MAP4K5: variants seen among roughly 807,000 people sequenced by gnomAD.
MAP4K5 encodes the protein MAPK/ERK kinase kinase kinase 5.
A neutral mutation model predicts 135.6 loss-of-function variants in MAP4K5; 82 were observed. That is an observed-to-expected ratio of 0.60 (90% CI 0.51 to 0.73). The LOEUF (loss-of-function observed/expected upper bound fraction) is 0.73. Among genes scored for constraint, MAP4K5 ranks in the 30% least tolerant of loss-of-function variants. MAP4K5 has a pLI of 0.00. For synonymous variants in MAP4K5, 347 were observed against 335.0 expected, an observed-to-expected ratio of 1.04 and a Z score of -0.39; for missense variants, 907 against 1,010.9, an observed-to-expected ratio of 0.90 and a Z score of 1.39.
At chr14:50,496,959 G>C (rs2037608139) in intron 3 of MAP4K5, among the ~76,000 whole-genome samples, 1 of 152,004 alleles carries the variant, frequency 6.6e-6, no homozygotes, top group South Asian at 2.1e-4. Flanking sequence ...TATTTGCAAT[G>C]GCAAAAGTTT....
chr14:50,535,854 G>T (rs2038484574), upstream of MAP4K5, among the ~76,000 whole-genome samples: 1 of 152,172 alleles, frequency 6.6e-6, no homozygotes, highest in African/African-American at 2.4e-5. Flanking sequence ...CCCACGTGTT[G>T]TGGGAGGGAC....
intron 3 of MAP4K5, among the ~76,000 whole-genome samples, chr14:50,500,606 G>A (rs1264203504): frequency 1.7e-4 from 26 of 152,146 alleles, no homozygotes. Flanking sequence ...AAGCAGAAGT[G>A]ATGATATGAT....
At chr14:50,455,920 G>A (rs1286380021) in intron 14 of MAP4K5, among the ~76,000 whole-genome samples, 2 of 152,022 alleles carry the variant, frequency 1.3e-5, no homozygotes, top group Non-Finnish European at 2.9e-5. Flanking sequence ...ATTTTCATCT[G>A]TCAATGATTA....
intron 1 of MAP4K5, among the ~76,000 whole-genome samples, chr14:50,546,870 G>A (rs1219840438): frequency 6.6e-6 from 1 of 151,986 alleles, no homozygotes; most frequent in African/African-American, 2.4e-5. Flanking sequence ...TAAGTTCTGG[G>A]GTACATGTGC....
chr14:50,526,735 T>C (rs558946853), intron 2 of MAP4K5, among the ~76,000 whole-genome samples: 3 of 152,230 alleles, frequency 2.0e-5, no homozygotes, highest in Non-Finnish European at 2.9e-5. Context: ...AGTGTGATGA[T>C]ACATTAAGCT....
At chr14:50,534,214 A>T (rs1262746130), upstream of MAP4K5, among the ~76,000 whole-genome samples, 1 of 152,208 alleles carries the variant, frequency 6.6e-6, no homozygotes, top group African/African-American at 2.4e-5. Context: ...TACTCCAGGG[A>T]ATTTCAGGCA....
At chr14:50,524,414 C>T (rs75262138) in intron 2 of MAP4K5, among the ~76,000 whole-genome samples, 2,169 of 152,158 alleles carry the variant, frequency 0.014, 41 homozygotes, top group African/African-American at 0.05. Flanking sequence ...TGACCACATA[C>T]TATATACTAG....
chr14:50,518,401 C>G (rs1037677599), intron 2 of MAP4K5, among the ~76,000 whole-genome samples: 4 of 152,142 alleles, frequency 2.6e-5, no homozygotes, highest in African/African-American at 7.2e-5. Context: ...CCTCACCCCC[C>G]ACCACCAACA....
chr14:50,523,625 T>C (rs990163551), intron 2 of MAP4K5, among the ~76,000 whole-genome samples: 4 of 152,224 alleles, frequency 2.6e-5, no homozygotes, highest in Middle Eastern at 3.2e-3. Context: ...CAGGCATTCC[T>C]GATCCTCCTT....
intron 5 of MAP4K5, among the ~76,000 whole-genome samples, chr14:50,484,563 C>T (rs2037322417): frequency 6.6e-6 from 1 of 152,088 alleles, no homozygotes; most frequent in Non-Finnish European, 1.5e-5. Flanking sequence ...GTATGTTATA[C>T]ATATTCTTTC....
At chr14:50,496,553 T>C (rs1221323716) in intron 3 of MAP4K5, among the ~76,000 whole-genome samples, 3 of 152,038 alleles carry the variant, frequency 2.0e-5, no homozygotes, top group South Asian at 2.1e-4. Context: ...CTGTTGCCCA[T>C]GGTGCAACGC....
At chr14:50,491,073 A>C (rs1426820880) in intron 3 of MAP4K5, among the ~76,000 whole-genome samples, 2 of 152,146 alleles carry the variant, frequency 1.3e-5, no homozygotes, top group African/African-American at 4.8e-5. Context: ...ACTTTCTTGC[A>C]ATCAAATGAG....
At chr14:50,482,310 G>T in intron 6 of MAP4K5, 51 bp downstream of exon 6, 1 of 1,129,370 alleles carries the variant, frequency 8.9e-7, no homozygotes, top group South Asian at 1.7e-5. Context: ...ACTACATTAA[G>T]AAAATATTGC....
chr14:50,558,273 C>T (rs1262439515), intron 1 of MAP4K5, among the ~76,000 whole-genome samples: 3 of 152,134 alleles, frequency 2.0e-5, no homozygotes, highest in Non-Finnish European at 2.9e-5. Context: ...GCATGAGAAT[C>T]GCTTGAACCT....
At chr14:50,479,581 C>G (rs184791636) in intron 6 of MAP4K5, among the ~76,000 whole-genome samples, 44 of 151,894 alleles carry the variant, frequency 2.9e-4, no homozygotes, top group African/African-American at 1.0e-3. Context: ...TTTTTTATAC[C>G]TTCCATATCT....
chr14:50,549,477 G>C (rs1351512713), intron 1 of MAP4K5, among the ~76,000 whole-genome samples: 4 of 152,094 alleles, frequency 2.6e-5, no homozygotes, highest in Admixed American at 2.6e-4. Context: ...CAATTGTATT[G>C]GTCCTGTGCC....
chr14:50,454,635 G>C (rs533795103), intron 14 of MAP4K5, among the ~76,000 whole-genome samples: 87 of 152,170 alleles, frequency 5.7e-4, no homozygotes, highest in Middle Eastern at 3.4e-3. Context: ...TAAGCAACCA[G>C]AACTTACTCT....
chr14:50,503,660 T>C (rs2037752210), intron 3 of MAP4K5, among the ~76,000 whole-genome samples: 1 of 152,096 alleles, frequency 6.6e-6, no homozygotes, highest in Admixed American at 6.6e-5. Context: ...TGCAATTATT[T>C]ATGCATCAAC....
chr14:50,518,264 AT>A (rs887784808), intron 2 of MAP4K5, among the ~76,000 whole-genome samples: 19 of 150,814 alleles, frequency 1.3e-4, no homozygotes, highest in Admixed American at 6.0e-4. Context: ...AAACTCATTA[AT>A]TTTTTTTTTA....
Sources: allele counts gnomAD v4.1 joint callset (sites outside exome capture counted in the v4.1 genomes callset), GRCh38; gene constraint gnomAD v4.1.1; transcripts MANE v1.5; gene names NCBI Gene and HGNC (gene_info 2026-07-23, HGNC 2026-07-21).